The following BANK1 variants were observed in gnomAD, a reference collection of about 807,000 sequenced individuals.
BANK1 encodes the protein B-cell scaffold protein with ankyrin repeats.
In BANK1, 95 loss-of-function variants were observed where a neutral mutation model predicts 94.5. The observed-to-expected ratio is 1.00, with a 90% CI of 0.85 to 1.19. The LOEUF is 1.19. Ranked by LOEUF, BANK1 falls within the 50% of genes most tolerant of loss-of-function variation. The probability of loss-of-function intolerance (pLI) is 0.00; values close to 1 mark genes in which losing one functional copy is unlikely to be tolerated. For synonymous variants in BANK1, 334 were observed against 308.4 expected, an observed-to-expected ratio of 1.08 and a Z score of -0.87; for missense variants, 987 against 932.2, an observed-to-expected ratio of 1.06 and a Z score of -0.77.
chr4:101,879,336 A>T (rs1212019244), intron 5 of BANK1, among the ~76,000 whole-genome samples: 1 of 152,118 alleles, frequency 6.6e-6, no homozygotes, highest in African/African-American at 2.4e-5. Flanking sequence ...ATATACCAAC[A>T]AAGTGGAAAA....
intron 11 of BANK1, among the ~76,000 whole-genome samples, chr4:102,055,045 C>G (rs562760045): frequency 6.6e-6 from 1 of 151,742 alleles, no homozygotes; most frequent in African/African-American, 2.4e-5. Flanking sequence ...GATACATCCC[C>G]GAAAATACCA....
chr4:102,065,037 G>C (rs1020261297), intron 13 of BANK1, among the ~76,000 whole-genome samples: 6 of 152,168 alleles, frequency 3.9e-5, no homozygotes, highest in Non-Finnish European at 8.8e-5. Flanking sequence ...AACAGTCAAA[G>C]CATGCAAGAC....
intron 7 of BANK1, among the ~76,000 whole-genome samples, chr4:101,922,009 C>CTTGTGT (rs369185640): frequency 2.3e-5 from 3 of 129,366 alleles, no homozygotes; most frequent in Admixed American, 7.8e-5. Context: ...ACACTGGGCC[C>CTTGTGT]GTGTGTGTGT....
At chr4:101,878,736 G>A (rs879943519) in intron 5 of BANK1, among the ~76,000 whole-genome samples, 3 of 152,072 alleles carry the variant, frequency 2.0e-5, no homozygotes, top group Non-Finnish European at 4.4e-5. Context: ...TCAAAAATTT[G>A]AGATAGTATC....
chr4:102,008,885 C>G (rs1301323432), intron 7 of BANK1, among the ~76,000 whole-genome samples: 3 of 152,110 alleles, frequency 2.0e-5, no homozygotes, highest in Admixed American at 2.0e-4. Flanking sequence ...TCCTGTTTCT[C>G]AAAAAACACA....
intron 7 of BANK1, among the ~76,000 whole-genome samples, chr4:102,020,731 A>G (rs1726866421): frequency 6.6e-6 from 1 of 152,176 alleles, no homozygotes; most frequent in African/African-American, 2.4e-5. Flanking sequence ...TTAATTTTTT[A>G]AGAACAGAAA....
At chr4:101,961,717 G>A (rs1338649702) in intron 7 of BANK1, among the ~76,000 whole-genome samples, 2 of 152,122 alleles carry the variant, frequency 1.3e-5, no homozygotes, top group Non-Finnish European at 2.9e-5. Context: ...TTAGAGAAAT[G>A]TATCTCATAT....
At chr4:101,871,832 CAT>C (rs1397203835) in intron 5 of BANK1, among the ~76,000 whole-genome samples, 2 of 152,048 alleles carry the variant, frequency 1.3e-5, no homozygotes, top group Non-Finnish European at 2.9e-5. Flanking sequence ...AGTCTCCAAA[CAT>C]ATTTTCTGTT....
At chr4:101,969,225 A>G (rs561147693) in intron 7 of BANK1, among the ~76,000 whole-genome samples, 38 of 152,232 alleles carry the variant, frequency 2.5e-4, no homozygotes, top group African/African-American at 7.9e-4. Context: ...AAGAAATGGA[A>G]AAGCAAAGAT....
chr4:101,896,804 G>A (rs1274079432), intron 6 of BANK1, among the ~76,000 whole-genome samples: 3 of 151,750 alleles, frequency 2.0e-5, no homozygotes, highest in Non-Finnish European at 3.0e-5. Context: ...TTTTCAAGAT[G>A]TGCTTCAAAA....
chr4:101,978,282 A>C (rs1319817858), intron 7 of BANK1, among the ~76,000 whole-genome samples: 1 of 152,132 alleles, frequency 6.6e-6, no homozygotes, highest in Non-Finnish European at 1.5e-5. Flanking sequence ...CAAAGATCAT[A>C]CAACTCAACC....
chr4:102,015,682 A>T (rs564676507), intron 7 of BANK1, among the ~76,000 whole-genome samples: 1 of 152,160 alleles, frequency 6.6e-6, no homozygotes, highest in African/African-American at 2.4e-5. Context: ...CTTACATGCC[A>T]TGTTTGACCC....
chr4:102,005,820 G>GT (rs1464004545), intron 7 of BANK1, among the ~76,000 whole-genome samples: 1 of 151,996 alleles, frequency 6.6e-6, no homozygotes, highest in Non-Finnish European at 1.5e-5. Flanking sequence ...GATAATTTAA[G>GT]TGTTTGCACA....
At chr4:102,046,249 G>A (rs1291449592) in intron 11 of BANK1, among the ~76,000 whole-genome samples, 3 of 152,042 alleles carry the variant, frequency 2.0e-5, no homozygotes, top group African/African-American at 7.2e-5. Context: ...TATGTAGAAA[G>A]CTGAAACTGG....
rs145562507 is a variant in BANK1 at position 102,026,603 on chromosome 4, C to T, written c.1594+1094C>T. Among the ~76,000 whole-genome samples, 1,190 of 152,018 alleles carry T rather than the reference C, an allele frequency of 7.8e-3. 16 individuals are homozygous for T. The highest frequency in any genetic ancestry group is 0.027 in the African/African-American group (1,120 of 41,490). ...CAGCACTTTGGGAGGCCGAGGCAGG[C>T]GATTCACCTGAGGTCAGGAGTTCGA... is the stretch of plus-strand genomic sequence containing the variant. On this transcript the variant is annotated intron_variant, in intron 9 of 16. Coordinates refer to ENST00000322953, the MANE Select transcript of BANK1 (RefSeq NM_017935.5).
chr4:101,936,194 TA>T (rs1470021510), intron 7 of BANK1, among the ~76,000 whole-genome samples: 1 of 146,182 alleles, frequency 6.8e-6, no homozygotes, highest in Non-Finnish European at 1.5e-5. Context: ...ATGATATATA[TA>T]TTTTTTATAT....
In BANK1 at chr4:101,933,107, C is replaced by T. The variant is rs74319633; in HGVS notation, c.1206+14918C>T. 4.7e-3 allele frequency among the ~76,000 whole-genome samples: 709 copies of T among 151,520 alleles called. 12 individuals carry two copies. The East Asian group carries it at 0.056, about 12-fold the overall frequency. ...AACTCTCTTCCTGTTCAAATGCAAG[C>T]ATGAGTTTTAGACATAATAATGGCA... is the stretch of plus-strand genomic sequence containing the variant. On this transcript the variant is annotated intron_variant, in intron 7 of 16. Coordinates refer to ENST00000322953, the MANE Select transcript of BANK1 (RefSeq NM_017935.5).
chr4:101,874,653 C>T (rs763681918), intron 5 of BANK1, among the ~76,000 whole-genome samples: 7 of 152,144 alleles, frequency 4.6e-5, no homozygotes, highest in Non-Finnish European at 1.0e-4. Context: ...CTGCAGGTTC[C>T]CAAGTGTTTT....
chr4:101,856,133 G>T (rs550779760), intron 3 of BANK1, among the ~76,000 whole-genome samples: 1 of 152,250 alleles, frequency 6.6e-6, no homozygotes, highest in East Asian at 1.9e-4. Context: ...GATCCTACTG[G>T]TACCAGTGGT....
Sources: gnomAD v4.1 joint callset for allele counts (sites outside exome capture counted in the v4.1 genomes callset) on GRCh38, gnomAD v4.1.1 for gene constraint, MANE v1.5 for transcripts, NCBI Gene and HGNC (gene_info 2026-07-23, HGNC 2026-07-21) for gene names.